KANSL1L: variants seen among roughly 807,000 people sequenced by gnomAD.
The protein encoded by KANSL1L is KAT8 regulatory NSL complex subunit 1-like protein.
A neutral mutation model predicts 108.6 loss-of-function variants in KANSL1L; 25 were observed. That is an observed-to-expected ratio of 0.23 (90% CI 0.17 to 0.32). The LOEUF (loss-of-function observed/expected upper bound fraction) is 0.32. Among genes scored for constraint, KANSL1L ranks in the 10% least tolerant of loss-of-function variants. The pLI, the probability that KANSL1L is intolerant of heterozygous loss-of-function variation, is 1.00. For missense variants in KANSL1L, 1,137 were observed against 1,125.7 expected, an observed-to-expected ratio of 1.01 and a Z score of -0.14; for synonymous variants, 405 against 395.1, an observed-to-expected ratio of 1.03 and a Z score of -0.30.
chr2:210,146,727 C>T (rs573256417), intron 2 of KANSL1L, among the ~76,000 whole-genome samples: 2 of 152,136 alleles, frequency 1.3e-5, no homozygotes, highest in Non-Finnish European at 2.9e-5. Context: ...CTTGATCATC[C>T]TCAGATGTGT....
chr2:210,167,641 A>G (rs542818547), intron 1 of KANSL1L, among the ~76,000 whole-genome samples: 1 of 152,156 alleles, frequency 6.6e-6, no homozygotes, highest in East Asian at 1.9e-4. Context: ...AATAAAAACA[A>G]CACACTTGAG....
At chr2:210,153,307 T>C (rs374374006) in intron 2 of KANSL1L, 188 bp downstream of exon 2, 77 of 494,964 alleles carry the variant, frequency 1.6e-4, no homozygotes, top group African/African-American at 1.4e-3. Context: ...TGAGCCAGGA[T>C]TGCACCACTA....
intron 3 of KANSL1L, among the ~76,000 whole-genome samples, chr2:210,126,145 G>C (rs1339582609): frequency 6.6e-6 from 1 of 152,148 alleles, no homozygotes; most frequent in Non-Finnish European, 1.5e-5. Context: ...ACAGAAGTCA[G>C]GTGCGTTTTT....
chr2:210,121,174 T>C (rs1336705129), intron 3 of KANSL1L, among the ~76,000 whole-genome samples: 1 of 152,204 alleles, frequency 6.6e-6, no homozygotes, highest in Non-Finnish European at 1.5e-5. Flanking sequence ...TATATCATTC[T>C]ATTATAAAGA....
chr2:210,029,223 C>A (rs1299695848), intron 10 of KANSL1L: 2 of 337,914 alleles, frequency 5.9e-6, no homozygotes, highest in East Asian at 6.0e-5. Flanking sequence ...ATTTTTAAGA[C>A]CACAAAAAAT....
intron 6 of KANSL1L, among the ~76,000 whole-genome samples, chr2:210,061,698 C>T (rs2094421641): frequency 6.6e-6 from 1 of 152,046 alleles, no homozygotes; most frequent in African/African-American, 2.4e-5. Context: ...TAAAGTGTAC[C>T]AGTAATGAAT....
intron 8 of KANSL1L, among the ~76,000 whole-genome samples, chr2:210,039,912 T>G (rs183896814): frequency 8.6e-4 from 130 of 152,004 alleles, no homozygotes; most frequent in Non-Finnish European, 1.1e-3. Flanking sequence ...TGATCTATTT[T>G]CTTAAATATA....
chr2:210,088,024 C>A (rs76324265), intron 5 of KANSL1L, among the ~76,000 whole-genome samples: 1 of 151,984 alleles, frequency 6.6e-6, no homozygotes, highest in Admixed American at 6.6e-5. Flanking sequence ...GAAATTCCAT[C>A]TGGTTTTGTT....
intron 2 of KANSL1L, among the ~76,000 whole-genome samples, chr2:210,146,813 C>G (rs1200807411): frequency 6.6e-6 from 1 of 152,188 alleles, no homozygotes; most frequent in Admixed American, 6.5e-5. Context: ...TACAAGCAAT[C>G]TGATGCTTTT....
At chr2:210,086,195 G>A (rs192814965) in intron 5 of KANSL1L, among the ~76,000 whole-genome samples, 250 of 151,756 alleles carry the variant, frequency 1.6e-3, no homozygotes, top group African/African-American at 5.0e-3. Context: ...ATAATTCATC[G>A]GAATTTAATT....
At chr2:210,134,227 C>T (rs1236400047) in intron 2 of KANSL1L, among the ~76,000 whole-genome samples, 1 of 152,034 alleles carries the variant, frequency 6.6e-6, no homozygotes, top group African/African-American at 2.4e-5. Flanking sequence ...AGCTTCTGAA[C>T]GTTCAATGGT....
At chr2:210,111,028 C>T (rs903541040) in intron 3 of KANSL1L, among the ~76,000 whole-genome samples, 3 of 152,028 alleles carry the variant, frequency 2.0e-5, no homozygotes, top group Non-Finnish European at 4.4e-5. Flanking sequence ...GGGAGGATCG[C>T]TTGAGCCTGG....
chr2:210,068,285 A>C (rs576573487), intron 6 of KANSL1L, among the ~76,000 whole-genome samples: 126 of 152,174 alleles, frequency 8.3e-4, no homozygotes, highest in Non-Finnish European at 7.5e-4. Context: ...TAATTAAGTT[A>C]TCTCTTTTTT....
chr2:210,032,876 T>C (rs1396288393), intron 8 of KANSL1L: 1 of 152,162 alleles, frequency 6.6e-6, no homozygotes, highest in African/African-American at 2.4e-5. Flanking sequence ...GAAGCATTCA[T>C]GGAATACAGA....
chr2:210,026,608 C>T (rs951420235), intron 12 of KANSL1L, among the ~76,000 whole-genome samples: 3 of 151,952 alleles, frequency 2.0e-5, no homozygotes, highest in African/African-American at 4.8e-5. Context: ...TTTTCTAAAC[C>T]GAAGAGCAAA....
intron 8 of KANSL1L, chr2:210,040,213 C>T (rs756027716): frequency 1.1e-5 from 5 of 439,370 alleles, no homozygotes; most frequent in Non-Finnish European, 1.6e-5. Flanking sequence ...AGTAATAGTT[C>T]ATAATTACAA....
chr2:210,169,523 TATA>T (rs927603580), intron 1 of KANSL1L, among the ~76,000 whole-genome samples: 28 of 152,342 alleles, frequency 1.8e-4, no homozygotes, highest in African/African-American at 5.8e-4. Context: ...CCAATTACTT[TATA>T]ATAATAAGAT....
At chr2:210,023,926 A>G (rs1049801768) in intron 14 of KANSL1L, 107 bp downstream of exon 14, 6 of 663,196 alleles carry the variant, frequency 9.0e-6, no homozygotes, top group Non-Finnish European at 1.2e-5. Flanking sequence ...AACTTATTGA[A>G]TTTGTTATGT....
chr2:210,124,884 C>A (rs1212836022), intron 3 of KANSL1L, among the ~76,000 whole-genome samples: 2 of 152,018 alleles, frequency 1.3e-5, no homozygotes, highest in African/African-American at 2.4e-5. Context: ...ACTATACCAA[C>A]AAATTAAATA....
Sources: allele counts gnomAD v4.1 joint callset (sites outside exome capture counted in the v4.1 genomes callset), GRCh38; gene constraint gnomAD v4.1.1; transcripts MANE v1.5; gene names NCBI Gene and HGNC (gene_info 2026-07-23, HGNC 2026-07-21).